SEPTIN4: variants seen among roughly 807,000 people sequenced by gnomAD.
SEPTIN4 encodes septin-4.
SEPTIN4 carries 52 observed loss-of-function variants against 107.1 expected under a neutral mutation model. The observed-to-expected ratio is 0.49, with a 90% CI of 0.39 to 0.61. SEPTIN4 has a LOEUF of 0.61. SEPTIN4 is among the 20% of genes least tolerant of loss of function. The probability of loss-of-function intolerance (pLI) is 0.00; values close to 1 mark genes in which losing one functional copy is unlikely to be tolerated. For synonymous variants in SEPTIN4, 417 were observed against 467.0 expected (o/e 0.89, Z 1.38); for missense variants, 1,048 against 1,243.5 (o/e 0.84, Z 2.36).
chr17:58,544,036 G>A lies in SEPTIN4; in HGVS notation c.151C>T (p.Arg51Ter), dbSNP rs746438429. Residue 51 changes from arginine to a stop codon, truncating the protein, a stop_gained, in exon 1 of 14, where the codon CGA (arginine) becomes TGA (stop). Coordinates refer to ENST00000672673, the MANE Select transcript of SEPTIN4 (RefSeq NM_001368771.2). LOFTEE classifies it high-confidence loss of function. ...SAAVSLNPSH[R>*]RSEAAHPTTP... ...GTGGGATGTGCAGCTTCTGATCTTCGGTGGGAAGGGTTCAGGGAGACTGCA... is the reference window on the plus strand; with the variant it reads ...GTGGGATGTGCAGCTTCTGATCTTCAGTGGGAAGGGTTCAGGGAGACTGCA... 12 of 1,614,004 alleles carry A rather than the reference G, an allele frequency of 7.4e-6. No homozygotes were observed. The highest frequency in any genetic ancestry group is 2.2e-5 in the East Asian group (1 of 44,884).
chr17:58,525,041 C>T, intron 7 of SEPTIN4, 37 bp downstream of exon 7: 5 of 1,613,352 alleles, frequency 3.1e-6, no homozygotes, highest in Non-Finnish European at 4.2e-6. Flanking sequence ...AGAAGGGTGG[C>T]TCAGGGGCAG....
At chr17:58,523,400 G>A (rs1161355405) in intron 7 of SEPTIN4, among the ~76,000 whole-genome samples, 12 of 151,392 alleles carry the variant, frequency 7.9e-5, no homozygotes, top group South Asian at 2.1e-4. Flanking sequence ...GGAGGAAGGA[G>A]AGGGAAAGGA....
rs764493477 is a variant in SEPTIN4, at chr17:58,526,701, T to A, written c.1892A>T (p.Asp631Val). Residue 631 changes from aspartate (D) to valine (V), a missense_variant, in exon 4 of 14, where the codon GAT (aspartate) becomes GTT (valine). Transcript: ENST00000672673. The part of the protein sequence containing the change: ...ARPRSPWGKL[D>V]PYDSSEDDKE... Reference sequence around the variant, plus strand: ...CTCTACCTCAGAGGAATCATAGGGATCAAGCTTGCCCCATGGGCTGCGGGG... The same window carrying A: ...CTCTACCTCAGAGGAATCATAGGGAACAAGCTTGCCCCATGGGCTGCGGGG... 1.1e-5 allele frequency: 17 copies of A among 1,586,724 alleles called. No homozygotes were observed. The highest frequency in any genetic ancestry group is 1.5e-5 in the Non-Finnish European group (17 of 1,169,032).
chr17:58,542,322 G>A (rs2043902193), intron 1 of SEPTIN4, among the ~76,000 whole-genome samples: 1 of 152,078 alleles, frequency 6.6e-6, no homozygotes, highest in Non-Finnish European at 1.5e-5. Context: ...TCCCCACTCA[G>A]GAAGCAGCTT....
intron 3 of SEPTIN4, among the ~76,000 whole-genome samples, chr17:58,537,409 A>T (rs568623819): frequency 1.3e-5 from 2 of 152,326 alleles, no homozygotes; most frequent in East Asian, 3.9e-4. Flanking sequence ...TCTTAGCCAG[A>T]GGCCACCAGC....
At chr17:58,539,251 C>T (rs2043813767) in intron 3 of SEPTIN4, 6 of 1,335,678 alleles carry the variant, frequency 4.5e-6, no homozygotes, top group Non-Finnish European at 6.1e-6. Flanking sequence ...TAGGAAGGAG[C>T]CACCCTGTTG....
At chr17:58,531,437 T>G (rs1016933093) in intron 3 of SEPTIN4, 6 of 152,486 alleles carry the variant, frequency 3.9e-5, no homozygotes, top group Admixed American at 1.3e-4. Flanking sequence ...GGCCAGGGAC[T>G]GCCCCTTGTC....
At chr17:58,528,015 G>C in intron 3 of SEPTIN4, 1 of 985,490 alleles carries the variant, frequency 1.0e-6, no homozygotes, top group Non-Finnish European at 1.2e-6. Flanking sequence ...CTCTCCTTTG[G>C]GGGTCAGCCT....
At chr17:58,525,028 T>G in intron 7 of SEPTIN4, 50 bp downstream of exon 7, 3 of 1,612,392 alleles carry the variant, frequency 1.9e-6, no homozygotes, top group Non-Finnish European at 2.5e-6. Flanking sequence ...TACCTGTGTA[T>G]GGAGAAGGGT....
chr17:58,543,124 C>A lies in SEPTIN4; in HGVS notation c.1063G>T (p.Val355Leu). The change falls in exon 1 of 14, where the codon GTG becomes TTG. Residue 355 changes from valine (V) to leucine (L), a missense_variant. Physicochemically the swap from Val to Leu is conservative, Grantham distance 32 (BLOSUM62 1). Coordinates refer to ENST00000672673, the MANE Select transcript of SEPTIN4 (RefSeq NM_001368771.2). ...EPTHHVTVPS[V>L]SEGSHKSSMF... is the part of the protein sequence containing the mutation. ...GATGACTTGTGGGAGCCCTCAGACA[C>A]TGATGGAACTGTCACATGGTGAGTT... is the stretch of plus-strand genomic sequence containing the variant. The A allele has an allele frequency of 6.2e-7, 1 of 1,612,232 alleles. No individual in the cohort carries two copies. Among genetic ancestry groups the A allele is most frequent in the Non-Finnish European group, 8.5e-7 (1 of 1,178,768 alleles).
chr17:58,520,886 C>A, intron 12 of SEPTIN4, 44 bp from the exon 13 acceptor site: 1 of 1,613,812 alleles, frequency 6.2e-7, no homozygotes, highest in Non-Finnish European at 8.5e-7. Context: ...GACCCCAGCA[C>A]CCGCTTAGAT....
chr17:58,536,509 A>T (rs985674931), intron 3 of SEPTIN4, among the ~76,000 whole-genome samples: 1 of 152,180 alleles, frequency 6.6e-6, no homozygotes, highest in Non-Finnish European at 1.5e-5. Context: ...CTCCAGCTAG[A>T]CACCATCTCT....
In SEPTIN4 at chr17:58,520,671, A is replaced by G. The variant is rs145465303; in HGVS notation, c.2931+72T>C. The G allele has an allele frequency of 5.5e-3, 8,679 of 1,589,464 alleles. 37 individuals carry two copies. The highest frequency in any genetic ancestry group is 9.2e-3 in the African/African-American group (680 of 74,284). Reference sequence around the variant, plus strand: ...ATGCACCAGAGCCAGGGATCTTTCTATTACCAAACAAAGAGATACCAACGT... The same window carrying G: ...ATGCACCAGAGCCAGGGATCTTTCTGTTACCAAACAAAGAGATACCAACGT... On this transcript the variant is annotated intron_variant, in intron 13 of 13. Transcript: ENST00000672673.
rs933999072 is a variant in SEPTIN4 at position 58,520,563 on chromosome 17, C to A, written c.2932-78G>T. 1.9e-6 allele frequency: 3 copies of A among 1,578,446 alleles called. No individual in the cohort carries two copies. In the Admixed American group the frequency reaches 5.0e-5, roughly 26 times the overall value. The stretch of plus-strand genomic sequence containing the variant: ...TGGGAAAGTGCCCCAAATTTCTAAT[C>A]CCTTAAGCCAGAACCTTGGTAGCCG... On this transcript the variant is annotated intron_variant, in intron 13 of 13. Transcript: ENST00000672673.
rs2043858481 is a variant in SEPTIN4 at position 58,540,762 on chromosome 17, A to C, written c.1607-89T>G. ...AATAGGAGGAGAAAAAGAGAAATTT[A>C]CTAAAGATGCCCAGTGGACTTGGGC... On this transcript the variant is annotated intron_variant, in intron 2 of 13. Coordinates refer to ENST00000672673, the MANE Select transcript of SEPTIN4 (RefSeq NM_001368771.2). 13 of 1,269,728 alleles carry C rather than the reference A, an allele frequency of 1.0e-5. No individual in the cohort carries two copies. In the South Asian group the frequency reaches 2.8e-4, roughly 27 times the overall value. The allele number at this position is 1,269,728 out of a possible 1,614,324, so 78.7% of individuals were successfully genotyped here.
rs1221568117 is a variant in SEPTIN4 at position 58,526,488 on chromosome 17, C to A, written c.1912-175G>T. ...GGGCCTCCTGCCCTTGCTGAAACTG[C>A]AAATTTCCAGTGCCCTTGGGGGCAG... On this transcript the variant is annotated intron_variant, in intron 4 of 13. Coordinates refer to ENST00000672673, the MANE Select transcript of SEPTIN4 (RefSeq NM_001368771.2). 27 of 1,390,728 alleles carry A rather than the reference C, an allele frequency of 1.9e-5. No individual in the cohort carries two copies. In the East Asian group the frequency reaches 7.2e-4, roughly 37 times the overall value. 86.1% of individuals were successfully genotyped at this position (1,390,728 alleles called of 1,614,324 possible).
chr17:58,525,493 T>C, intron 6 of SEPTIN4: 1 of 616,424 alleles, frequency 1.6e-6, no homozygotes, highest in East Asian at 2.8e-5. Flanking sequence ...AGCAAGACTC[T>C]GGTCTCTGCC....
intron 7 of SEPTIN4, 110 bp from the exon 8 acceptor site, chr17:58,522,211 T>C: frequency 7.2e-7 from 1 of 1,383,112 alleles, no homozygotes; most frequent in South Asian, 1.3e-5. Context: ...TAAGACACTG[T>C]TATTCCCTGG....
chr17:58,523,845 G>A (rs1383923954), intron 7 of SEPTIN4, among the ~76,000 whole-genome samples: 2 of 152,056 alleles, frequency 1.3e-5, no homozygotes, highest in African/African-American at 2.4e-5. Flanking sequence ...ACACTTTTCA[G>A]TGCGCATGCA....
Sources: gnomAD v4.1 joint callset for allele counts (sites outside exome capture counted in the v4.1 genomes callset) on GRCh38, gnomAD v4.1.1 for gene constraint, MANE v1.5 for transcripts, NCBI Gene and HGNC (gene_info 2026-07-23, HGNC 2026-07-21) for gene names.